Variants in IQGAP2 observed in about 807,000 individuals in gnomAD.
The protein encoded by IQGAP2 is IQ motif containing GTPase activating protein 2.
Under a neutral mutation model 201.3 loss-of-function variants are expected in IQGAP2, and 173 were observed. That is an observed-to-expected ratio of 0.86 (90% CI 0.76 to 0.98). The LOEUF is 0.98. Ranked by LOEUF, IQGAP2 falls within the 50% of genes least tolerant of loss-of-function variation. IQGAP2 has a pLI of 0.00. For missense variants in IQGAP2, 1,687 were observed against 1,864.8 expected, an observed-to-expected ratio of 0.90 and a Z score of 1.76; for synonymous variants, 675 against 673.9, an observed-to-expected ratio of 1.00 and a Z score of -0.03.
intron 2 of IQGAP2, among the ~76,000 whole-genome samples, chr5:76,555,237 T>C (rs1195112112): frequency 6.6e-6 from 1 of 152,226 alleles, no homozygotes; most frequent in Non-Finnish European, 1.5e-5. Context: ...CTTTCAACCC[T>C]GTGAATATAC....
intron 2 of IQGAP2, among the ~76,000 whole-genome samples, chr5:76,462,130 G>A (rs1203873328): frequency 2.0e-5 from 3 of 152,172 alleles, no homozygotes; most frequent in Non-Finnish European, 4.4e-5. Flanking sequence ...AGGAAATCAC[G>A]GGGCCAACTG....
chr5:76,631,860 G>A lies in IQGAP2; in HGVS notation c.1614G>A (p.Trp538Ter). The A allele has an allele frequency of 1.3e-6, 2 of 1,578,004 alleles. No homozygotes were observed. The highest frequency in any genetic ancestry group is 1.4e-5 in the African/African-American group (1 of 73,876). ...ANVDKDRAKQ[W>*]VTLVVDVNQC... ...GAAACTTTTTTTTCAATTACCCAGG[G>A]GTTACTCTGGTGGTTGATGTTAATC... The change falls in exon 15 of 36, where the codon TGG becomes TGA. Residue 538 changes from tryptophan to a stop codon, truncating the protein, a stop_gained and splice_region_variant. Transcript: ENST00000274364. LOFTEE classifies it high-confidence loss of function.
chr5:76,512,246 C>G (rs934408061), intron 2 of IQGAP2, among the ~76,000 whole-genome samples: 1 of 152,156 alleles, frequency 6.6e-6, no homozygotes, highest in Non-Finnish European at 1.5e-5. Context: ...AGAATCCTAT[C>G]CCAAGAAGTT....
chr5:76,666,569 T>C (rs139009378), intron 22 of IQGAP2, among the ~76,000 whole-genome samples: 75 of 152,286 alleles, frequency 4.9e-4, no homozygotes, highest in African/African-American at 1.6e-3. Flanking sequence ...CCGCAAACAA[T>C]CCAAAATGTA....
chr5:76,683,840 C>T lies in IQGAP2; in HGVS notation c.3828C>T (p.Thr1276=), dbSNP rs961545007. ...KANTLSQLSK[T]EISLVLTSKY... Reference sequence around the variant, plus strand: ...ATACACTAAGTCAGCTTTCAAAGACCGAGATTTCTCTTGTCTTGACAAGCA... The same window carrying T: ...ATACACTAAGTCAGCTTTCAAAGACTGAGATTTCTCTTGTCTTGACAAGCA... The change falls in exon 30 of 36, where the codon ACC becomes ACT. Residue 1276 remains threonine (T), a synonymous_variant. Transcript: ENST00000274364. The T allele has an allele frequency of 4.1e-5, 66 of 1,613,272 alleles. No homozygotes were observed. The highest frequency in any genetic ancestry group is 6.7e-5 in the African/African-American group (5 of 74,892).
chr5:76,649,093 C>T (rs1466591445), intron 17 of IQGAP2, among the ~76,000 whole-genome samples: 1 of 152,178 alleles, frequency 6.6e-6, no homozygotes, highest in African/African-American at 2.4e-5. Context: ...ATATCATAGT[C>T]AAACTTCTGA....
chr5:76,514,953 C>T (rs950752772), intron 2 of IQGAP2, among the ~76,000 whole-genome samples: 3 of 152,154 alleles, frequency 2.0e-5, no homozygotes, highest in Admixed American at 1.3e-4. Context: ...AAACTCATTG[C>T]CTATATGACT....
At chr5:76,705,281 A>G (rs1256989493) in intron 35 of IQGAP2, among the ~76,000 whole-genome samples, 2 of 152,206 alleles carry the variant, frequency 1.3e-5, no homozygotes, top group Non-Finnish European at 2.9e-5. Flanking sequence ...AAGGGTTTGC[A>G]TATACCTTAA....
chr5:76,629,229 T>C (rs1215963425), intron 14 of IQGAP2, among the ~76,000 whole-genome samples: 1 of 152,192 alleles, frequency 6.6e-6, no homozygotes, highest in Non-Finnish European at 1.5e-5. Flanking sequence ...GCAAAAAAGA[T>C]TTTCCAAAGT....
intron 2 of IQGAP2, among the ~76,000 whole-genome samples, chr5:76,501,596 C>G (rs1757276352): frequency 6.8e-6 from 1 of 147,690 alleles, no homozygotes; most frequent in South Asian, 2.1e-4. Context: ...GAAGTCTGAG[C>G]TTTTATGTTC....
chr5:76,575,198 T>A (rs1342930762), intron 4 of IQGAP2, among the ~76,000 whole-genome samples: 1 of 151,608 alleles, frequency 6.6e-6, no homozygotes, highest in Non-Finnish European at 1.5e-5. Context: ...TTGGTGAAAA[T>A]GTCTTACTTT....
intron 14 of IQGAP2, chr5:76,628,603 G>T: frequency 2.5e-6 from 1 of 399,124 alleles, no homozygotes; most frequent in Non-Finnish European, 4.9e-6. Flanking sequence ...TCACTAACCT[G>T]CCAACTGATG....
At chr5:76,687,556 G>A (rs1745891388) in intron 30 of IQGAP2, among the ~76,000 whole-genome samples, 2 of 150,948 alleles carry the variant, frequency 1.3e-5, no homozygotes, top group South Asian at 2.1e-4. Context: ...GGAACCAGGC[G>A]ACACAGCAGG....
At chr5:76,419,106 G>T (rs2064615386) in intron 1 of IQGAP2, among the ~76,000 whole-genome samples, 2 of 152,102 alleles carry the variant, frequency 1.3e-5, no homozygotes, top group Non-Finnish European at 2.9e-5. Context: ...TTTGGGGATA[G>T]AATATTCTGG....
intron 14 of IQGAP2, among the ~76,000 whole-genome samples, chr5:76,629,636 T>C (rs1348356408): frequency 6.6e-5 from 10 of 152,212 alleles, no homozygotes; most frequent in Non-Finnish European, 1.3e-4. Context: ...ATATTTTGTA[T>C]ACCTGTTTAT....
intron 31 of IQGAP2, chr5:76,693,856 C>G (rs1050775134): frequency 4.5e-5 from 7 of 156,400 alleles, no homozygotes; most frequent in African/African-American, 1.7e-4. Flanking sequence ...CCAAATGCTT[C>G]AGAAGCAAAT....
intron 19 of IQGAP2, 52 bp from the exon 20 acceptor site, chr5:76,654,882 G>A (rs465731): frequency 0.64 from 741,878 of 1,155,078 alleles, 242,262 homozygotes; most frequent in South Asian, 0.82. Context: ...ATTCAAAAAT[G>A]ATGGAGTAGG....
intron 1 of IQGAP2, among the ~76,000 whole-genome samples, chr5:76,442,739 C>T (rs867893101): frequency 1.3e-5 from 2 of 152,326 alleles, no homozygotes; most frequent in Middle Eastern, 3.4e-3. Context: ...GTAATCCCAG[C>T]ACTTTGGGAG....
At chr5:76,591,048 G>A (rs1440473189) in intron 8 of IQGAP2, among the ~76,000 whole-genome samples, 3 of 152,204 alleles carry the variant, frequency 2.0e-5, no homozygotes, top group Non-Finnish European at 4.4e-5. Flanking sequence ...AGTGAGCTGT[G>A]ACCCTGCCAC....
Sources: gnomAD v4.1 joint callset for allele counts (sites outside exome capture counted in the v4.1 genomes callset) on GRCh38, gnomAD v4.1.1 for gene constraint, MANE v1.5 for transcripts, NCBI Gene and HGNC (gene_info 2026-07-23, HGNC 2026-07-21) for gene names.